FAF1: variants seen among roughly 807,000 people sequenced by gnomAD.
FAF1 encodes the protein Fas associated factor 1.
FAF1 carries 25 observed loss-of-function variants against 92.5 expected under a neutral mutation model. The observed-to-expected ratio is 0.27, with a 90% CI of 0.20 to 0.38. The LOEUF (loss-of-function observed/expected upper bound fraction) is 0.38. Ranked by LOEUF, FAF1 falls within the 10% of genes least tolerant of loss-of-function variation. The pLI is 1.00. For missense variants in FAF1, 636 were observed against 793.3 expected (o/e 0.80, Z 2.38); for synonymous variants, 234 against 273.2 (o/e 0.86, Z 1.42).
intron 8 of FAF1, among the ~76,000 whole-genome samples, chr1:50,610,674 T>G (rs929864330): frequency 1.3e-5 from 2 of 152,180 alleles, no homozygotes; most frequent in Non-Finnish European, 2.9e-5. Context: ...GACAGCTTTA[T>G]TCAAGGTTCA....
intron 7 of FAF1, among the ~76,000 whole-genome samples, chr1:50,658,000 A>G (rs1462004269): frequency 6.6e-6 from 1 of 152,198 alleles, no homozygotes; most frequent in Non-Finnish European, 1.5e-5. Context: ...TATCAACCCA[A>G]CAATTTAACC....
At chr1:50,954,606 T>C (rs1319776542) in intron 1 of FAF1, among the ~76,000 whole-genome samples, 1 of 146,696 alleles carries the variant, frequency 6.8e-6, no homozygotes, top group Non-Finnish European at 1.5e-5. Context: ...GGTGAAATGA[T>C]CTTGGCTCAC....
intron 1 of FAF1, among the ~76,000 whole-genome samples, chr1:50,923,603 A>G (rs1488700493): frequency 6.6e-6 from 1 of 152,180 alleles, no homozygotes; most frequent in East Asian, 1.9e-4. Flanking sequence ...CCTGATATCA[A>G]AACCAGGCAA....
chr1:50,754,487 A>G (rs1659997302), intron 4 of FAF1, among the ~76,000 whole-genome samples: 1 of 152,176 alleles, frequency 6.6e-6, no homozygotes, highest in Non-Finnish European at 1.5e-5. Flanking sequence ...GGTGGTTTTT[A>G]GTTGTAATAG....
chr1:50,464,733 T>C (rs1322098030), intron 18 of FAF1, among the ~76,000 whole-genome samples: 1 of 152,268 alleles, frequency 6.6e-6, no homozygotes, highest in Non-Finnish European at 1.5e-5. Flanking sequence ...ATTATCACTT[T>C]TGATCTTATC....
At position 50,819,800 on chromosome 1, in the gene FAF1, T is replaced by C. The variant is rs548899450; in HGVS notation, c.115-18123A>G. Among the ~76,000 whole-genome samples, 112 of 110,292 alleles carry C rather than the reference T, an allele frequency of 1.0e-3. 7 individuals carry two copies. The highest frequency in any genetic ancestry group is 3.5e-3 in the African/African-American group (96 of 27,522). The allele number at this position is 110,292 out of a possible 152,430, so 72.4% of individuals were successfully genotyped here. Reference sequence around the variant, plus strand: ...ATACATATATATACATATATATATATACATATATATATATATATAGTATTG... The same window carrying C: ...ATACATATATATACATATATATATACACATATATATATATATATAGTATTG... On this transcript the variant is annotated intron_variant, in intron 2 of 18. Transcript: ENST00000396153.
In FAF1 at chr1:50,441,425, A is replaced by G; in HGVS notation, c.*15T>C. 1 of 1,487,110 alleles carries G rather than the reference A, an allele frequency of 6.7e-7. No homozygotes were observed. Among genetic ancestry groups the G allele is most frequent in the Non-Finnish European group, 9.1e-7 (1 of 1,103,642 alleles). The allele number at this position is 1,487,110 out of a possible 1,614,324, so 92.1% of individuals were successfully genotyped here. A position where few individuals can be genotyped will look rare whatever the true frequency, so the allele number is the denominator to read the frequency against. On this transcript the variant is annotated 3_prime_UTR_variant, in exon 19 of 19. Transcript: ENST00000396153. ...GGCTTGTCAAGGAATGGCTGGTTCC[A>G]CCGCTGGGCCGTGTTTACTCTTTTG...
intron 1 of FAF1, among the ~76,000 whole-genome samples, chr1:50,859,571 A>T (rs1644416136): frequency 6.6e-6 from 1 of 152,002 alleles, no homozygotes; most frequent in South Asian, 2.1e-4. Context: ...AGATCTCTAC[A>T]AGGAGAACTA....
intron 8 of FAF1, among the ~76,000 whole-genome samples, chr1:50,642,065 T>C (rs1654359096): frequency 6.6e-6 from 1 of 151,808 alleles, no homozygotes; most frequent in African/African-American, 2.4e-5. Context: ...CAACCAGGCA[T>C]GGTGGCGGGT....
chr1:50,820,025 A>G (rs907545586), intron 2 of FAF1, among the ~76,000 whole-genome samples: 4 of 151,620 alleles, frequency 2.6e-5, no homozygotes, highest in African/African-American at 4.9e-5. Context: ...TGTCGTTTGT[A>G]CGTGCACGGC....
At chr1:50,602,601 C>G (rs894987053) in intron 8 of FAF1, among the ~76,000 whole-genome samples, 1 of 150,090 alleles carries the variant, frequency 6.7e-6, no homozygotes, top group African/African-American at 2.5e-5. Context: ...CTCCCAGGTT[C>G]AAACGATTCT....
Position 50,867,562 on chromosome 1 carries a change from C to CA in FAF1, c.46-9566dup, listed in dbSNP as rs1027109164. Among the ~76,000 whole-genome samples, 85 of 148,172 alleles carry CA rather than the reference C, an allele frequency of 5.7e-4. 1 individual carries two copies. The South Asian group carries it at 0.011, about 19-fold the overall frequency. On this transcript the variant is annotated intron_variant, in intron 1 of 18. Transcript: ENST00000396153. ...TTCTCAAAAGAAGACATACAAATGGCAAAAAAAAATGAAAAAATGCTTGAC... is the reference window on the plus strand; with the variant it reads ...TTCTCAAAAGAAGACATACAAATGGCAAAAAAAAAATGAAAAAATGCTTGAC...
intron 8 of FAF1, among the ~76,000 whole-genome samples, chr1:50,637,677 A>ATGTGTGTGTG (rs1290887015): frequency 2.4e-4 from 23 of 95,330 alleles, no homozygotes; most frequent in Non-Finnish European, 4.7e-4. Context: ...TCACACATAT[A>ATGTGTGTGTG]TATATGTGTG....
chr1:50,796,058 A>G (rs1661737194), intron 3 of FAF1, among the ~76,000 whole-genome samples: 1 of 151,320 alleles, frequency 6.6e-6, no homozygotes, highest in African/African-American at 2.5e-5. Flanking sequence ...AACAACAACA[A>G]CAAAAAAAAA....
chr1:50,635,732 T>TTAGC lies in FAF1; in HGVS notation c.744+19706_744+19709dup, dbSNP rs533697987. ...GAAAACTCAATTGTATAGATGCCAT[T>TTAGC]TAGCTCACTCATCTGGCCTTACTGA... On this transcript the variant is annotated intron_variant, in intron 8 of 18. Coordinates refer to ENST00000396153, the MANE Select transcript of FAF1 (RefSeq NM_007051.3). Among the ~76,000 whole-genome samples the TTAGC allele has an allele frequency of 2.2e-3, 341 of 152,322 alleles. 1 individual carries two copies. Among genetic ancestry groups the TTAGC allele is most frequent in the Non-Finnish European group, 3.9e-3 (265 of 68,034 alleles).
At chr1:50,848,222 T>A (rs1426982622) in intron 2 of FAF1, among the ~76,000 whole-genome samples, 1 of 152,162 alleles carries the variant, frequency 6.6e-6, no homozygotes, top group Non-Finnish European at 1.5e-5. Context: ...CTCAAACAGA[T>A]AACTGACTAC....
At chr1:50,566,101 C>T (rs1257655709) in intron 13 of FAF1, among the ~76,000 whole-genome samples, 3 of 152,010 alleles carry the variant, frequency 2.0e-5, no homozygotes, top group Non-Finnish European at 4.4e-5. Flanking sequence ...TAACCATTTG[C>T]TTAAAGAAAT....
At chr1:50,452,465 T>C (rs148259637) in intron 18 of FAF1, among the ~76,000 whole-genome samples, 11 of 152,282 alleles carry the variant, frequency 7.2e-5, no homozygotes, top group Non-Finnish European at 1.3e-4. Flanking sequence ...GGTTCTCCAG[T>C]AAGACACACA....
chr1:50,595,760 C>A (rs1013789188), intron 9 of FAF1, among the ~76,000 whole-genome samples: 4 of 152,058 alleles, frequency 2.6e-5, no homozygotes, highest in African/African-American at 9.7e-5. Context: ...CCAGGCTGGT[C>A]TCGAACTCCT....
Sources: allele counts gnomAD v4.1 joint callset (sites outside exome capture counted in the v4.1 genomes callset), GRCh38; gene constraint gnomAD v4.1.1; transcripts MANE v1.5; gene names NCBI Gene and HGNC (gene_info 2026-07-23, HGNC 2026-07-21).